The following DENND1A variants were observed in gnomAD, a reference collection of about 807,000 sequenced individuals.
DENND1A encodes the protein DENN domain containing 1A, also known as DENN domain-containing protein 1A.
In DENND1A, 51 loss-of-function variants were observed where a neutral mutation model predicts 113.7. The observed-to-expected ratio is 0.45, with a 90% confidence interval of 0.36 to 0.57. The LOEUF (loss-of-function observed/expected upper bound fraction) is 0.57, where lower values mean the gene tolerates loss of function less well. Ranked by LOEUF, DENND1A falls within the 20% of genes least tolerant of loss-of-function variation. DENND1A has a pLI of 0.00. For missense variants in DENND1A, 1,258 were observed against 1,395.9 expected (o/e 0.90, Z 1.57); for synonymous variants, 565 against 570.8 (o/e 0.99, Z 0.14).
At chr9:123,891,706 A>C (rs185308313) in intron 1 of DENND1A, among the ~76,000 whole-genome samples, 14 of 152,346 alleles carry the variant, frequency 9.2e-5, no homozygotes, top group African/African-American at 3.1e-4. Flanking sequence ...AATTTAAATA[A>C]GTATATAACA....
intron 13 of DENND1A, among the ~76,000 whole-genome samples, chr9:123,506,465 C>T (rs141876730): frequency 2.6e-4 from 39 of 149,868 alleles, no homozygotes; most frequent in African/African-American, 8.8e-4. Context: ...ACCTGTAGTC[C>T]CAGCTACTTG....
chr9:123,646,470 A>G (rs1034946058), intron 9 of DENND1A, among the ~76,000 whole-genome samples: 2 of 152,124 alleles, frequency 1.3e-5, no homozygotes, highest in Admixed American at 1.3e-4. Context: ...AGAATGTGCC[A>G]GGAGAGAAGA....
chr9:123,643,850 G>A (rs2062157981), intron 9 of DENND1A, among the ~76,000 whole-genome samples: 1 of 152,156 alleles, frequency 6.6e-6, no homozygotes. Context: ...GCACAGACAG[G>A]GCTTGCCGAA....
chr9:123,468,839 T>G (rs946327752), intron 13 of DENND1A, among the ~76,000 whole-genome samples: 1 of 152,262 alleles, frequency 6.6e-6, no homozygotes, highest in Non-Finnish European at 1.5e-5. Flanking sequence ...CAAGGTCTGC[T>G]GAGCTCCTGT....
intron 18 of DENND1A, among the ~76,000 whole-genome samples, chr9:123,443,313 C>T (rs1323157002): frequency 6.6e-6 from 1 of 152,220 alleles, no homozygotes; most frequent in Non-Finnish European, 1.5e-5. Context: ...GGCTGCCATG[C>T]TTAGCACTAT....
intron 1 of DENND1A, among the ~76,000 whole-genome samples, chr9:123,921,582 C>T (rs1487681952): frequency 6.6e-6 from 1 of 152,170 alleles, no homozygotes; most frequent in Non-Finnish European, 1.5e-5. Flanking sequence ...TTCTTTTCCC[C>T]CTCTCTAAAT....
intron 13 of DENND1A, among the ~76,000 whole-genome samples, chr9:123,553,308 G>A (rs575573512): frequency 6.6e-6 from 1 of 151,966 alleles, no homozygotes; most frequent in East Asian, 1.9e-4. Flanking sequence ...CCAGCACTAG[G>A]AAAAGATGGT....
chr9:123,728,452 G>C (rs918201812), intron 5 of DENND1A, among the ~76,000 whole-genome samples: 1 of 118,640 alleles, frequency 8.4e-6, no homozygotes, highest in Non-Finnish European at 1.6e-5. Context: ...ACTCCTGCCT[G>C]GGCAACAATT....
chr9:123,489,010 C>T (rs1049614190), intron 13 of DENND1A, among the ~76,000 whole-genome samples: 4 of 152,082 alleles, frequency 2.6e-5, no homozygotes, highest in Admixed American at 6.5e-5. Flanking sequence ...GGTAGAGAAG[C>T]GAATAAAGAT....
chr9:123,649,515 C>G (rs572303601), intron 9 of DENND1A, among the ~76,000 whole-genome samples: 2 of 152,116 alleles, frequency 1.3e-5, no homozygotes, highest in South Asian at 4.2e-4. Context: ...ATAATCTTTT[C>G]CTTGAGATGT....
chr9:123,812,726 TAAC>T (rs945708840), intron 2 of DENND1A, among the ~76,000 whole-genome samples: 27 of 152,326 alleles, frequency 1.8e-4, no homozygotes, highest in African/African-American at 6.3e-4. Context: ...AAATGACTCT[TAAC>T]TACTTGGATT....
chr9:123,543,423 T>C (rs2056431255), intron 13 of DENND1A, among the ~76,000 whole-genome samples: 1 of 152,214 alleles, frequency 6.6e-6, no homozygotes, highest in Non-Finnish European at 1.5e-5. Context: ...CCAAATTCTA[T>C]GGGATCAGAA....
At chr9:123,589,859 CA>C (rs2059377112) in intron 11 of DENND1A, among the ~76,000 whole-genome samples, 1 of 152,130 alleles carries the variant, frequency 6.6e-6, no homozygotes, top group African/African-American at 2.4e-5. Context: ...GGGGAGTGGT[CA>C]GGGGCAGCTG....
At chr9:123,637,597 A>G (rs1488590994) in intron 9 of DENND1A, among the ~76,000 whole-genome samples, 1 of 152,198 alleles carries the variant, frequency 6.6e-6, no homozygotes, top group Admixed American at 6.5e-5. Context: ...GGGTTCAGCT[A>G]TGTTCAAATT....
At chr9:123,669,079 CAATA>C (rs1229541558) in intron 7 of DENND1A, among the ~76,000 whole-genome samples, 3 of 152,162 alleles carry the variant, frequency 2.0e-5, no homozygotes, top group Non-Finnish European at 2.9e-5. Flanking sequence ...GCTTACCATT[CAATA>C]AATGGTATTT....
chr9:123,743,410 AT>A (rs2069184473), intron 5 of DENND1A, among the ~76,000 whole-genome samples: 1 of 58,954 alleles, frequency 1.7e-5, no homozygotes, highest in African/African-American at 2.1e-4. Context: ...CAAAAGATAA[AT>A]AAATAAATAA....
intron 2 of DENND1A, among the ~76,000 whole-genome samples, chr9:123,822,080 A>G (rs1434315626): frequency 1.3e-5 from 2 of 152,242 alleles, no homozygotes; most frequent in Non-Finnish European, 2.9e-5. Flanking sequence ...CTTAATCCTT[A>G]GACGCTTTGG....
In DENND1A at chr9:123,909,036, A is replaced by G. The variant is rs535272676; in HGVS notation, c.17+20853T>C. On this transcript the variant is annotated intron_variant, in intron 1 of 23. Coordinates refer to ENST00000394215, the MANE Select transcript of DENND1A (RefSeq NM_001352964.2). Reference sequence around the variant, plus strand: ...TGCAGCCATAAAAAATGATGAGTTCATGTCCTTTGTAGGGACATGGATGAA... The same window carrying G: ...TGCAGCCATAAAAAATGATGAGTTCGTGTCCTTTGTAGGGACATGGATGAA... Among the ~76,000 whole-genome samples the G allele has an allele frequency of 4.2e-3, 647 of 152,322 alleles. 5 individuals are homozygous for G. The highest frequency in any genetic ancestry group is 6.4e-3 in the Non-Finnish European group (437 of 68,040).
intron 2 of DENND1A, among the ~76,000 whole-genome samples, chr9:123,802,144 C>G (rs1590145374): frequency 6.6e-6 from 1 of 152,182 alleles, no homozygotes; most frequent in Non-Finnish European, 1.5e-5. Flanking sequence ...CAGCCAGAAG[C>G]AAAACTTGCA....
Sources: allele counts gnomAD v4.1 joint callset (sites outside exome capture counted in the v4.1 genomes callset), GRCh38; gene constraint gnomAD v4.1.1; transcripts MANE v1.5; gene names NCBI Gene and HGNC (gene_info 2026-07-23, HGNC 2026-07-21).